The following DENND4A variants were observed in gnomAD, a reference collection of about 807,000 sequenced individuals.
DENND4A encodes C-myc promoter-binding protein.
A neutral mutation model predicts 199.3 loss-of-function variants in DENND4A; 70 were observed. The observed-to-expected ratio is 0.35, with a 90% CI of 0.29 to 0.43. DENND4A has a LOEUF of 0.43. DENND4A is among the 20% of genes least tolerant of loss of function. DENND4A has a pLI of 1.00. For synonymous variants in DENND4A, 686 were observed against 766.9 expected (o/e 0.89, Z 1.74); for missense variants, 1,723 against 2,255.8 (o/e 0.76, Z 4.78).
intron 32 of DENND4A, 49 bp from the exon 33 acceptor site, chr15:65,662,036 T>A: frequency 6.7e-7 from 1 of 1,489,906 alleles, no homozygotes; most frequent in Non-Finnish European, 9.1e-7. Context: ...TTAGGTCTGA[T>A]GTTGAAAACT....
In DENND4A at chr15:65,782,509, T is replaced by C. The variant is rs189957564; in HGVS notation, c.-102+9501A>G. Among the ~76,000 whole-genome samples the C allele has an allele frequency of 2.2e-3, 331 of 152,290 alleles. 4 individuals carry two copies. Among genetic ancestry groups the C allele is most frequent in the African/African-American group, 7.7e-3 (318 of 41,552 alleles). ...GTGATTAAGAGTGCAGGCTCCACAA[T>C]CAGACTGGTTGCAAACTGCAGCTTT... On this transcript the variant is annotated intron_variant, in intron 1 of 32. Transcript: ENST00000443035.
At position 65,752,418 on chromosome 15, in the gene DENND4A, G is replaced by GT; in HGVS notation, c.521dup (p.His174GlnfsTer12). 1.2e-6 allele frequency: 2 copies of GT among 1,611,474 alleles called. No individual in the cohort carries two copies. The highest frequency in any genetic ancestry group is 1.7e-6 in the Non-Finnish European group (2 of 1,178,710). On this transcript the variant is annotated frameshift_variant, in exon 4 of 33. Coordinates refer to ENST00000443035, the MANE Select transcript of DENND4A (RefSeq NM_001320835.1). LOFTEE classifies it high-confidence loss of function. Reference sequence around the variant, plus strand: ...GATTCTTGTCGACTTTGCAGAACGTGTGTGGTGGGCTTTCTCCTTTACTGG... The same window carrying GT: ...GATTCTTGTCGACTTTGCAGAACGTGTTGTGGTGGGCTTTCTCCTTTACTGG...
Position 65,676,423 on chromosome 15 carries a change from T to G in DENND4A, c.4369+22A>C, listed in dbSNP as rs1046881484. ...ATGAAACTACAAATCAAATGCAGTA[T>G]GACAGAACTGTTTGGACAAACCTTC... On this transcript the variant is annotated intron_variant, in intron 24 of 32. Transcript: ENST00000443035. The G allele has an allele frequency of 3.2e-6, 5 of 1,557,110 alleles. No individual in the cohort carries two copies. In the African/African-American group the frequency reaches 4.1e-5, roughly 13 times the overall value.
At chr15:65,715,456 T>C (rs373316732) in intron 14 of DENND4A, 22 bp downstream of exon 14, 62 of 1,586,324 alleles carry the variant, frequency 3.9e-5, no homozygotes, top group African/African-American at 2.0e-4. Context: ...AGTTAGGGCA[T>C]TGTAGATGTA....
chr15:65,771,457 T>C, intron 1 of DENND4A: 1 of 1,605,804 alleles, frequency 6.2e-7, no homozygotes, highest in Non-Finnish European at 8.5e-7. Flanking sequence ...TTTTAATAGT[T>C]TGCCCTGTTC....
intron 3 of DENND4A, among the ~76,000 whole-genome samples, chr15:65,755,091 C>T (rs908740089): frequency 6.6e-6 from 1 of 152,184 alleles, no homozygotes; most frequent in Non-Finnish European, 1.5e-5. Flanking sequence ...AGTACCGACA[C>T]ATACTATAAC....
At chr15:65,700,442 A>T (rs959873678) in intron 20 of DENND4A, 102 bp downstream of exon 20, 10 of 559,378 alleles carry the variant, frequency 1.8e-5, no homozygotes, top group Non-Finnish European at 2.4e-5. Context: ...TTAAAAAGTG[A>T]CAGTTAAACA....
At chr15:65,680,100 G>A (rs2076520784) in intron 23 of DENND4A, among the ~76,000 whole-genome samples, 1 of 152,070 alleles carries the variant, frequency 6.6e-6, no homozygotes, top group Non-Finnish European at 1.5e-5. Flanking sequence ...GAAAAACAAC[G>A]CCTAGCCTAA....
At chr15:65,756,024 G>A (rs2076691701) in intron 3 of DENND4A, 116 bp downstream of exon 3, 2 of 908,994 alleles carry the variant, frequency 2.2e-6, no homozygotes, top group South Asian at 1.9e-5. Flanking sequence ...ACAAACTTGT[G>A]TATTTTTCTA....
At chr15:65,783,981 C>G (rs935700055) in intron 1 of DENND4A, among the ~76,000 whole-genome samples, 2 of 152,214 alleles carry the variant, frequency 1.3e-5, no homozygotes, top group South Asian at 2.1e-4. Context: ...GTAAAGAAAC[C>G]TGGCAAACAC....
intron 14 of DENND4A, among the ~76,000 whole-genome samples, chr15:65,710,046 T>G (rs1398769454): frequency 3.3e-5 from 5 of 152,110 alleles, no homozygotes; most frequent in Non-Finnish European, 7.4e-5. Flanking sequence ...ACCTTCTGCA[T>G]GGACTACCAT....
intron 19 of DENND4A, 128 bp from the exon 20 acceptor site, chr15:65,700,803 A>G: frequency 1.3e-5 from 14 of 1,050,558 alleles, no homozygotes; most frequent in South Asian, 2.0e-5. Flanking sequence ...GCAAAATACA[A>G]CTATAACAAA....
At chr15:65,713,065 C>T (rs993613692) in intron 14 of DENND4A, among the ~76,000 whole-genome samples, 11 of 152,096 alleles carry the variant, frequency 7.2e-5, no homozygotes, top group African/African-American at 2.7e-4. Context: ...AACATTGATA[C>T]ATTATTACTG....
intron 9 of DENND4A, among the ~76,000 whole-genome samples, chr15:65,731,120 A>T (rs1289033619): frequency 1.3e-5 from 2 of 152,044 alleles, no homozygotes; most frequent in East Asian, 3.8e-4. Flanking sequence ...TCAGACTGTA[A>T]CCATTTCTCT....
chr15:65,757,267 G>T (rs370660755), intron 2 of DENND4A, among the ~76,000 whole-genome samples: 7 of 148,552 alleles, frequency 4.7e-5, no homozygotes, highest in Non-Finnish European at 1.1e-4. Context: ...TGAGATGGGG[G>T]GGGGGGGGTC....
At chr15:65,695,658 G>A (rs949649489) in intron 22 of DENND4A, among the ~76,000 whole-genome samples, 1 of 152,042 alleles carries the variant, frequency 6.6e-6, no homozygotes, top group Non-Finnish European at 1.5e-5. Flanking sequence ...GCAAAAGTAA[G>A]CTAATACAAA....
chr15:65,731,705 A>T lies in DENND4A; in HGVS notation c.1108-5T>A, dbSNP rs543021592. ...CAGATTATCATGTGGTGATAACTGG[A>T]AGAAGATTTAAAATAAAGAATTTGA... On this transcript the variant is annotated splice_polypyrimidine_tract_variant and splice_region_variant and intron_variant, in intron 8 of 32. Coordinates refer to ENST00000443035, the MANE Select transcript of DENND4A (RefSeq NM_001320835.1). 3 of 1,542,908 alleles carry T rather than the reference A, an allele frequency of 1.9e-6. No homozygotes were observed. The highest frequency in any genetic ancestry group is 4.0e-5 in the Admixed American group (2 of 50,062).
rs1310748224 is a variant in DENND4A at position 65,661,510 on chromosome 15, C to A, written c.*341G>T. 3 of 172,682 alleles carry A rather than the reference C, an allele frequency of 1.7e-5. No individual in the cohort carries two copies. The East Asian group carries it at 4.5e-4, about 26-fold the overall frequency. The allele number at this position is 172,682 out of a possible 1,614,324, so 10.7% of individuals were successfully genotyped here. A position where few individuals can be genotyped will look rare whatever the true frequency, so the allele number is the denominator to read the frequency against. ...CTGACATTTCTGTTTAGATTCCATT[C>A]ATGATTTTTCAATCTGTCTCTTCCA... On this transcript the variant is annotated 3_prime_UTR_variant, in exon 33 of 33. Coordinates refer to ENST00000443035, the MANE Select transcript of DENND4A (RefSeq NM_001320835.1).
intron 1 of DENND4A, chr15:65,766,534 T>C (rs996027683): frequency 6.6e-6 from 1 of 152,196 alleles, no homozygotes; most frequent in Non-Finnish European, 1.5e-5. Flanking sequence ...TATGGTATTG[T>C]GGGACACGAA....
Sources: allele counts gnomAD v4.1 joint callset (sites outside exome capture counted in the v4.1 genomes callset), GRCh38; gene constraint gnomAD v4.1.1; transcripts MANE v1.5; gene names NCBI Gene and HGNC (gene_info 2026-07-23, HGNC 2026-07-21).